NCOA2: variants seen among roughly 807,000 people sequenced by gnomAD.
NCOA2 encodes the protein class E basic helix-loop-helix protein 75.
Under a neutral mutation model 145.1 loss-of-function variants are expected in NCOA2, and 21 were observed. That is an observed-to-expected ratio of 0.14 (90% confidence interval 0.10 to 0.21). The LOEUF (loss-of-function observed/expected upper bound fraction) is 0.21, where lower values mean the gene tolerates loss of function less well. NCOA2 is among the 10% of genes least tolerant of loss of function. The pLI is 1.00. For synonymous variants in NCOA2, 619 were observed against 637.5 expected, an observed-to-expected ratio of 0.97 and a Z score of 0.44; for missense variants, 1,472 against 1,837.6, an observed-to-expected ratio of 0.80 and a Z score of 3.64.
At chr8:70,257,857 G>C (rs549444742) in intron 2 of NCOA2, among the ~76,000 whole-genome samples, 63 of 150,838 alleles carry the variant, frequency 4.2e-4, no homozygotes, top group Non-Finnish European at 7.1e-4. Context: ...CCCTGTCACT[G>C]AGCCCCACCT....
the NCOA2 span, among the ~76,000 whole-genome samples, chr8:70,428,661 A>C: frequency 6.6e-6 from 1 of 152,176 alleles, no homozygotes; most frequent in Admixed American, 6.6e-5. Context: ...ATCTAAAAAA[A>C]TTGTTTAAGG....
At chr8:70,350,732 T>C (rs1809097501) in intron 1 of NCOA2, among the ~76,000 whole-genome samples, 1 of 152,250 alleles carries the variant, frequency 6.6e-6, no homozygotes, top group Non-Finnish European at 1.5e-5. Flanking sequence ...TTCAGGTTTT[T>C]GGTTTACAAA....
rs2131081089 is a variant in NCOA2 at position 70,110,070 on chromosome 8, A to C, written c.*3562T>G. The C allele has an allele frequency of 5.1e-6, 1 of 196,554 alleles. No individual in the cohort carries two copies. Among genetic ancestry groups the C allele is most frequent in the Non-Finnish European group, 1.1e-5 (1 of 94,554 alleles). 12.2% of individuals were successfully genotyped at this position (196,554 alleles called of 1,614,324 possible). ...GCTTTCTCCTGAAGAACCATAGTTA[A>C]TATATTGCTTAATTTTACCCTTGTA... On this transcript the variant is annotated 3_prime_UTR_variant, in exon 23 of 23. Coordinates refer to ENST00000452400, the MANE Select transcript of NCOA2 (RefSeq NM_006540.4).
At chr8:70,406,966 C>T (rs1240408521), upstream of NCOA2, among the ~76,000 whole-genome samples, 5 of 152,154 alleles carry the variant, frequency 3.3e-5, no homozygotes, top group African/African-American at 1.2e-4. Context: ...CACTAAATAT[C>T]GCAATTTCCT....
At chr8:70,220,487 T>C (rs1458519073) in intron 2 of NCOA2, among the ~76,000 whole-genome samples, 1 of 152,170 alleles carries the variant, frequency 6.6e-6, no homozygotes, top group Non-Finnish European at 1.5e-5. Context: ...TGACCATACA[T>C]CCTCCCTTAC....
chr8:70,419,197 T>C, the NCOA2 span, among the ~76,000 whole-genome samples: 2 of 152,180 alleles, frequency 1.3e-5, no homozygotes, highest in Non-Finnish European at 2.9e-5. Context: ...TCTTGATTTT[T>C]GCTAGGTTTT....
rs375675183 is a variant in NCOA2 at position 70,244,331 on chromosome 8, T to A, written c.-19-27567A>T. On this transcript the variant is annotated intron_variant, in intron 2 of 22. Coordinates refer to ENST00000452400, the MANE Select transcript of NCOA2 (RefSeq NM_006540.4). ...TCACCAATCTCAGACTTTCAAGTGCTACATTTTCCAAGGTTAAGAGACAGG... is the reference window on the plus strand; with the variant it reads ...TCACCAATCTCAGACTTTCAAGTGCAACATTTTCCAAGGTTAAGAGACAGG... Among the ~76,000 whole-genome samples, 72 of 152,266 alleles carry A rather than the reference T, an allele frequency of 4.7e-4. No individual in the cohort carries two copies. The South Asian group carries it at 0.015, about 31-fold the overall frequency.
At chr8:70,379,794 C>A (rs536067043) in intron 1 of NCOA2, among the ~76,000 whole-genome samples, 1 of 150,534 alleles carries the variant, frequency 6.6e-6, no homozygotes, top group Non-Finnish European at 1.5e-5. Context: ...TTATCCTATA[C>A]ATAAAATTTA....
intron 2 of NCOA2, among the ~76,000 whole-genome samples, chr8:70,237,876 G>GA (rs1007103692): frequency 1.2e-3 from 174 of 149,328 alleles, no homozygotes; most frequent in Admixed American, 2.1e-3. Context: ...CCATTAGGTT[G>GA]AAAAAAAAAA....
Position 70,124,817 on chromosome 8 carries a change from T to C in NCOA2, c.3965A>G (p.Gln1322Arg). ...CATTCGGGGTGACATAAGTGGGCTC[T>C]GGGGAGTCGTAGCCCCAGTAAAGCC... is the stretch of plus-strand genomic sequence containing the variant. ...DPGFTGATTP[Q>R]SPLMSPRMAH... The change falls in exon 20 of 23, where the codon CAG becomes CGG. Residue 1322 changes from glutamine (Q) to arginine (R), a missense_variant. By Grantham distance (43) the Gln-to-Arg change is conservative. Transcript: ENST00000452400. 6.2e-7 allele frequency: 1 copy of C among 1,612,998 alleles called. No homozygotes were observed.
At chr8:70,169,322 G>C (rs1813970798) in intron 6 of NCOA2, among the ~76,000 whole-genome samples, 1 of 152,216 alleles carries the variant, frequency 6.6e-6, no homozygotes, top group African/African-American at 2.4e-5. Context: ...AGTAGGCTAA[G>C]GCAGCGGCAT....
chr8:70,291,106 T>A lies in NCOA2; in HGVS notation c.-20+5638A>T, dbSNP rs1047382223. ...CTAACAACTGTACCACCCAGACAAG[T>A]GGAATATTCAAGTTTGAATTGAACC... On this transcript the variant is annotated intron_variant, in intron 2 of 22. Coordinates refer to ENST00000452400, the MANE Select transcript of NCOA2 (RefSeq NM_006540.4). Among the ~76,000 whole-genome samples, 4 of 151,982 alleles carry A rather than the reference T, an allele frequency of 2.6e-5. No individual in the cohort carries two copies. The South Asian group carries it at 8.3e-4, about 32-fold the overall frequency.
chr8:70,254,750 C>T (rs1466620663), intron 2 of NCOA2, among the ~76,000 whole-genome samples: 3 of 151,976 alleles, frequency 2.0e-5, no homozygotes, highest in East Asian at 3.9e-4. Context: ...GAGTGTTTAA[C>T]GGGTAAAGGA....
At chr8:70,291,292 C>G (rs771559051) in intron 2 of NCOA2, among the ~76,000 whole-genome samples, 1 of 152,200 alleles carries the variant, frequency 6.6e-6, no homozygotes, top group African/African-American at 2.4e-5. Flanking sequence ...TATTCTGACA[C>G]CAGTCCTACC....
At chr8:70,388,462 A>G (rs1812870154) in intron 1 of NCOA2, among the ~76,000 whole-genome samples, 1 of 152,208 alleles carries the variant, frequency 6.6e-6, no homozygotes, top group Non-Finnish European at 1.5e-5. Flanking sequence ...ACCTTGCAAA[A>G]TGCAGTTTGC....
chr8:70,435,221 C>G, the NCOA2 span, among the ~76,000 whole-genome samples: 4 of 150,834 alleles, frequency 2.7e-5, no homozygotes, highest in Non-Finnish European at 5.9e-5. Context: ...GTCAGGAGAT[C>G]GAGACCATCC....
chr8:70,194,797 CTG>C (rs2133353237), intron 4 of NCOA2, among the ~76,000 whole-genome samples: 1 of 149,986 alleles, frequency 6.7e-6, no homozygotes, highest in South Asian at 2.1e-4. Context: ...CTCGGTGTCT[CTG>C]TGTTTCAAAT....
At chr8:70,247,979 T>A (rs1398407433) in intron 2 of NCOA2, among the ~76,000 whole-genome samples, 2 of 152,220 alleles carry the variant, frequency 1.3e-5, no homozygotes, top group African/African-American at 4.8e-5. Flanking sequence ...ATTGCCTAAC[T>A]CTCCTCCTGA....
At chr8:70,245,826 T>G (rs1198790342) in intron 2 of NCOA2, among the ~76,000 whole-genome samples, 1 of 152,144 alleles carries the variant, frequency 6.6e-6, no homozygotes, top group African/African-American at 2.4e-5. Flanking sequence ...ATATACTCTC[T>G]TGAGCTTTGC....
Sources: gnomAD v4.1 joint callset for allele counts (sites outside exome capture counted in the v4.1 genomes callset) on GRCh38, gnomAD v4.1.1 for gene constraint, MANE v1.5 for transcripts, NCBI Gene and HGNC (gene_info 2026-07-23, HGNC 2026-07-21) for gene names.